Variants in NBAS observed in about 807,000 individuals in gnomAD.
The protein encoded by NBAS is NBAS subunit of NRZ tethering complex.
In NBAS, 219 loss-of-function variants were observed where a neutral mutation model predicts 302.5. That is an observed-to-expected ratio of 0.72 (90% confidence interval 0.65 to 0.81). The LOEUF is 0.81. Among genes scored for constraint, NBAS ranks in the 30% least tolerant of loss-of-function variants. The pLI is 0.00. For synonymous variants in NBAS, 1,118 were observed against 1,021.6 expected (o/e 1.09, Z -1.80); for missense variants, 2,932 against 2,841.6 (o/e 1.03, Z -0.72).
intron 1 of NBAS, among the ~76,000 whole-genome samples, chr2:15,559,821 T>C (rs1390819619): frequency 1.3e-5 from 2 of 152,238 alleles, no homozygotes; most frequent in Admixed American, 1.3e-4. Flanking sequence ...GTAAGCATTC[T>C]GAAACATTAC....
chr2:15,023,526 CTT>C, the NBAS span, among the ~76,000 whole-genome samples: 3 of 151,682 alleles, frequency 2.0e-5, no homozygotes. Flanking sequence ...AAGGTTATAA[CTT>C]TTGACATTTC....
chr2:15,529,898 C>A (rs1221905975), intron 9 of NBAS, among the ~76,000 whole-genome samples: 1 of 151,988 alleles, frequency 6.6e-6, no homozygotes, highest in Non-Finnish European at 1.5e-5. Flanking sequence ...ATTTTATAAT[C>A]GAAAGTGTTT....
chr2:15,516,966 C>T (rs1309046068), intron 9 of NBAS, among the ~76,000 whole-genome samples: 1 of 152,136 alleles, frequency 6.6e-6, no homozygotes, highest in Non-Finnish European at 1.5e-5. Flanking sequence ...TTAAAAACTA[C>T]TAGCGAGATT....
chr2:15,186,079 T>C (rs1366063047), intron 50 of NBAS, among the ~76,000 whole-genome samples: 6 of 130,640 alleles, frequency 4.6e-5, no homozygotes, highest in African/African-American at 2.1e-4. Context: ...TACATACATA[T>C]ATATATACAC....
chr2:15,488,435 T>C (rs1680723816), intron 12 of NBAS, among the ~76,000 whole-genome samples: 1 of 152,180 alleles, frequency 6.6e-6, no homozygotes, highest in South Asian at 2.1e-4. Flanking sequence ...AAGAGTTCCA[T>C]CCTTCTCTAT....
the NBAS span, among the ~76,000 whole-genome samples, chr2:14,881,056 G>A: frequency 6.6e-6 from 1 of 152,064 alleles, no homozygotes; most frequent in Non-Finnish European, 1.5e-5. Flanking sequence ...AAAAGTGTGA[G>A]CCAACAATAG....
At chr2:15,346,419 A>C (rs1426910836) in intron 35 of NBAS, among the ~76,000 whole-genome samples, 1 of 152,248 alleles carries the variant, frequency 6.6e-6, no homozygotes, top group African/African-American at 2.4e-5. Context: ...ATCACTGGTC[A>C]TTAGAGAAAT....
chr2:15,128,620 A>T, the NBAS span, among the ~76,000 whole-genome samples: 68,824 of 152,032 alleles, frequency 0.45, 18,319 homozygotes, highest in Non-Finnish European at 0.57. Flanking sequence ...AACATTATCC[A>T]GGGTGTGCAA....
the NBAS span, among the ~76,000 whole-genome samples, chr2:15,056,085 T>C: frequency 2.5e-5 from 3 of 120,076 alleles, 1 homozygote; most frequent in Admixed American, 2.9e-4. Context: ...TTATATTTTT[T>C]AGAGTCTCCT....
At chr2:15,269,799 A>G (rs1167678033) in intron 44 of NBAS, among the ~76,000 whole-genome samples, 1 of 152,250 alleles carries the variant, frequency 6.6e-6, no homozygotes, top group Non-Finnish European at 1.5e-5. Flanking sequence ...CAGGGTACAA[A>G]AAGTTCAATA....
At chr2:15,559,714 T>C (rs575638225) in intron 1 of NBAS, among the ~76,000 whole-genome samples, 22 of 152,270 alleles carry the variant, frequency 1.4e-4, no homozygotes, top group African/African-American at 5.1e-4. Flanking sequence ...CAGAAATCAA[T>C]TGAACTCCCC....
intron 28 of NBAS, among the ~76,000 whole-genome samples, chr2:15,389,990 A>G (rs781404361): frequency 6.6e-6 from 1 of 152,346 alleles, no homozygotes; most frequent in Middle Eastern, 3.4e-3. Flanking sequence ...GATAAAGCAC[A>G]TGCAGGATGA....
chr2:14,907,315 G>C, the NBAS span, among the ~76,000 whole-genome samples: 1 of 152,158 alleles, frequency 6.6e-6, no homozygotes, highest in African/African-American at 2.4e-5. Context: ...CTCTGGCAAC[G>C]CACTTACTCA....
intron 42 of NBAS, among the ~76,000 whole-genome samples, chr2:15,278,593 T>C (rs1282143975): frequency 6.6e-6 from 1 of 152,142 alleles, no homozygotes; most frequent in African/African-American, 2.4e-5. Context: ...GATGAGTGGA[T>C]GAGCAAAAAA....
chr2:14,853,105 A>T, the NBAS span, among the ~76,000 whole-genome samples: 14 of 115,112 alleles, frequency 1.2e-4, no homozygotes, highest in African/African-American at 4.1e-4. Flanking sequence ...TCTGCACAGC[A>T]AAAGAAACTA....
the NBAS span, among the ~76,000 whole-genome samples, chr2:14,780,600 A>G: frequency 6.6e-6 from 1 of 152,224 alleles, no homozygotes; most frequent in Non-Finnish European, 1.5e-5. Context: ...AAGAATAGCT[A>G]GTTGTACCTT....
the NBAS span, among the ~76,000 whole-genome samples, chr2:14,903,834 C>A: frequency 2.0e-5 from 3 of 151,860 alleles, no homozygotes; most frequent in African/African-American, 7.3e-5. Flanking sequence ...GCCTGTCCCC[C>A]CCATCCCCCT....
the NBAS span, among the ~76,000 whole-genome samples, chr2:14,968,288 A>G: frequency 6.6e-6 from 1 of 152,338 alleles, no homozygotes; most frequent in South Asian, 2.1e-4. Flanking sequence ...AAAGAACCCA[A>G]TTTAAAAGTT....
At chr2:15,362,152 A>AC (rs1673961358) in intron 32 of NBAS, among the ~76,000 whole-genome samples, 1 of 151,644 alleles carries the variant, frequency 6.6e-6, no homozygotes, top group Non-Finnish European at 1.5e-5. Context: ...TTTAAATAAA[A>AC]TCCAAGGCAA....
Sources: allele counts gnomAD v4.1 joint callset (sites outside exome capture counted in the v4.1 genomes callset), GRCh38; gene constraint gnomAD v4.1.1; transcripts MANE v1.5; gene names NCBI Gene and HGNC (gene_info 2026-07-23, HGNC 2026-07-21).